The following ADCY7 variants were observed in gnomAD, a reference collection of about 807,000 sequenced individuals.
ADCY7 encodes the protein adenylate cyclase type 7.
A neutral mutation model predicts 120.6 loss-of-function variants in ADCY7; 72 were observed. The ratio of observed to expected loss-of-function variants is 0.60; its 90% CI spans 0.49 to 0.73. The LOEUF (loss-of-function observed/expected upper bound fraction) is 0.73, where lower values mean the gene tolerates loss of function less well. ADCY7 is among the 30% of genes least tolerant of loss of function. The pLI is 0.00. For missense variants in ADCY7, 1,227 were observed against 1,486.0 expected, an observed-to-expected ratio of 0.83 and a Z score of 2.87; for synonymous variants, 661 against 628.0, an observed-to-expected ratio of 1.05 and a Z score of -0.78.
At chr16:50,288,454 C>T in intron 2 of ADCY7, 104 bp downstream of exon 2, 2 of 1,237,562 alleles carry the variant, frequency 1.6e-6, no homozygotes, top group Non-Finnish European at 2.2e-6. Context: ...CTGTAAAATG[C>T]TATGCTTTTT....
rs149699797 is a variant in ADCY7 at position 50,304,813 on chromosome 16, G to A, written c.1561-112G>A. 501 of 1,453,518 alleles carry A rather than the reference G, an allele frequency of 3.4e-4. 1 individual carries two copies. The East Asian group carries it at 4.8e-3, about 14-fold the overall frequency. 90.0% of individuals were successfully genotyped at this position (1,453,518 alleles called of 1,614,324 possible). A position where few individuals can be genotyped will look rare whatever the true frequency, so the allele number is the denominator to read the frequency against. On this transcript the variant is annotated intron_variant, in intron 11 of 25. Transcript: ENST00000673801. ...GGATGTCTGTGGCTTGGACGACCCC[G>A]ACACCTTGTCCTGTGTATCAAGTGC... is the stretch of plus-strand genomic sequence containing the variant.
At chr16:50,294,520 C>CG (rs1402263391) in intron 6 of ADCY7, 120 bp from the exon 7 acceptor site, 1 of 633,758 alleles carries the variant, frequency 1.6e-6, no homozygotes, top group East Asian at 2.8e-5. Flanking sequence ...TGAGGAAGGA[C>CG]GGGGGTGAAT....
At chr16:50,286,771 A>C (rs2034609293) in intron 1 of ADCY7, among the ~76,000 whole-genome samples, 1 of 152,222 alleles carries the variant, frequency 6.6e-6, no homozygotes, top group African/African-American at 2.4e-5. Flanking sequence ...AAATTCAGAG[A>C]GAGGATGGCC....
At chr16:50,307,002 C>A in intron 14 of ADCY7, 48 bp from the exon 15 acceptor site, 1 of 1,469,740 alleles carries the variant, frequency 6.8e-7, no homozygotes, top group South Asian at 1.1e-5. Context: ...GCAGGGTGGG[C>A]AAGTGGCACT....
chr16:50,263,346 C>T (rs558810208), upstream of ADCY7, among the ~76,000 whole-genome samples: 255 of 152,060 alleles, frequency 1.7e-3, 2 homozygotes, highest in African/African-American at 4.8e-3. Flanking sequence ...GCTGCGGCTG[C>T]GGGGAGCAGC....
At position 50,312,156 on chromosome 16, in the gene ADCY7, G is replaced by A. The variant is rs149634042; in HGVS notation, c.2569G>A (p.Val857Met). Residue 857 changes from valine (V) to methionine (M), a missense_variant, in exon 21 of 26, where the codon GTG (valine) becomes ATG (methionine). Transcript: ENST00000673801. ...LLLENVLPAH[V>M]AAHFIGDKLN... ...TCTGGAGAACGTCCTGCCAGCCCAC[G>A]TGGCTGCCCACTTTATCGGTGACAA... 2.3e-5 allele frequency: 37 copies of A among 1,614,208 alleles called. No homozygotes were observed. In the East Asian group the frequency reaches 2.7e-4, roughly 12 times the overall value.
chr16:50,253,299 G>A (rs2032813431), intron 1 of ADCY7, among the ~76,000 whole-genome samples: 1 of 152,130 alleles, frequency 6.6e-6, no homozygotes, highest in Admixed American at 6.5e-5. Context: ...CGTCCAGGCT[G>A]GAGTGCTGTG....
At chr16:50,313,435 C>CAA (rs764858899) in intron 22 of ADCY7, 22 of 164,480 alleles carry the variant, frequency 1.3e-4, no homozygotes, top group African/African-American at 4.2e-4. Flanking sequence ...ACAACAACAA[C>CAA]AAAAAAAAAA....
At chr16:50,255,218 GC>G (rs1332292408) in intron 1 of ADCY7, among the ~76,000 whole-genome samples, 5 of 151,332 alleles carry the variant, frequency 3.3e-5, no homozygotes, top group African/African-American at 1.2e-4. Context: ...GATTGCGTGA[GC>G]CTAGGAGCTT....
intron 1 of ADCY7, among the ~76,000 whole-genome samples, chr16:50,281,286 C>T (rs758937701): frequency 3.5e-4 from 54 of 152,324 alleles, no homozygotes; most frequent in Admixed American, 2.0e-4. Context: ...AGTGTGCAGG[C>T]GACTGCTATT....
intron 1 of ADCY7, among the ~76,000 whole-genome samples, chr16:50,246,467 C>T (rs2032591453): frequency 6.6e-6 from 1 of 152,172 alleles, no homozygotes. Flanking sequence ...GACGCTGCCC[C>T]AGCTGGCGCC....
chr16:50,281,393 G>A (rs1166684847), intron 1 of ADCY7, among the ~76,000 whole-genome samples: 4 of 151,874 alleles, frequency 2.6e-5, no homozygotes, highest in African/African-American at 9.7e-5. Context: ...TAAGGCAGGT[G>A]CGGCAGGTGC....
chr16:50,317,415 A>G lies in ADCY7; in HGVS notation c.*1910A>G, dbSNP rs2036853608. ...GCGGGGGCTCTCCTGGCAAGTCAGG[A>G]AGGTTTCTGTTGCTAATATAACATA... is the stretch of plus-strand genomic sequence containing the variant. On this transcript the variant is annotated 3_prime_UTR_variant, in exon 26 of 26. Coordinates refer to ENST00000673801, the MANE Select transcript of ADCY7 (RefSeq NM_001114.5). The G allele has an allele frequency of 1.3e-5, 2 of 150,440 alleles. No homozygotes were observed. Among genetic ancestry groups the G allele is most frequent in the South Asian group, 4.1e-4 (2 of 4,828 alleles). The allele number at this position is 150,440 out of a possible 1,614,324, so 9.3% of individuals were successfully genotyped here.
intron 10 of ADCY7, among the ~76,000 whole-genome samples, chr16:50,303,877 T>C (rs1386241964): frequency 1.3e-5 from 2 of 152,064 alleles, no homozygotes; most frequent in Non-Finnish European, 2.9e-5. Context: ...AAGGAGCGAA[T>C]GCGTGCCGGC....
chr16:50,252,525 G>A (rs1176998668), intron 1 of ADCY7, among the ~76,000 whole-genome samples: 2 of 151,982 alleles, frequency 1.3e-5, no homozygotes, highest in Non-Finnish European at 2.9e-5. Context: ...TTGTTTGTGT[G>A]CCTTCGTAGC....
intron 5 of ADCY7, 117 bp from the exon 6 acceptor site, chr16:50,293,237 G>T: frequency 1.7e-6 from 2 of 1,195,406 alleles, no homozygotes; most frequent in Admixed American, 2.0e-5. Context: ...GGCAGGCAGG[G>T]AGGATGGGGG....
At chr16:50,314,145 ATC>A (rs781176446) in intron 23 of ADCY7, 83 bp downstream of exon 23, 1,562 of 1,457,410 alleles carry the variant, frequency 1.1e-3, no homozygotes, top group Non-Finnish European at 1.3e-3. Flanking sequence ...GTGTGCCCTT[ATC>A]TCGTCCTGGG....
chr16:50,308,257 A>C lies in ADCY7; in HGVS notation c.1851-70A>C. The stretch of plus-strand genomic sequence containing the variant: ...GTGGGGACAGGTGGCTGTGAGCCAG[A>C]GGATTGGTGGGGGCGGTGGTCCTGG... On this transcript the variant is annotated intron_variant, in intron 15 of 25. Coordinates refer to ENST00000673801, the MANE Select transcript of ADCY7 (RefSeq NM_001114.5). 5 of 1,613,528 alleles carry C rather than the reference A, an allele frequency of 3.1e-6. No homozygotes were observed. In the South Asian group the frequency reaches 5.5e-5, roughly 18 times the overall value.
intron 10 of ADCY7, among the ~76,000 whole-genome samples, chr16:50,303,719 G>A (rs2035881463): frequency 6.6e-6 from 1 of 152,144 alleles, no homozygotes; most frequent in African/African-American, 2.4e-5. Context: ...TCGCAGGCAC[G>A]TGGCAGGTCA....
Sources: allele counts gnomAD v4.1 joint callset (sites outside exome capture counted in the v4.1 genomes callset), GRCh38; gene constraint gnomAD v4.1.1; transcripts MANE v1.5; gene names NCBI Gene and HGNC (gene_info 2026-07-23, HGNC 2026-07-21).